Variants in LINGO2 observed in about 807,000 individuals in gnomAD.
The protein encoded by LINGO2 is leucine rich repeat and Ig domain containing 2, also known as leucine-rich repeat and immunoglobulin-like domain-containing nogo receptor-interacting protein 2.
In LINGO2, 14 loss-of-function variants were observed where a neutral mutation model predicts 30.6. The observed-to-expected ratio is 0.46, with a 90% CI of 0.30 to 0.72. The LOEUF is 0.72. Among genes scored for constraint, LINGO2 ranks in the 30% least tolerant of loss-of-function variants. LINGO2 has a pLI of 0.07. For synonymous variants in LINGO2, 317 were observed against 288.5 expected (o/e 1.10, Z -1.00); for missense variants, 729 against 751.7 (o/e 0.97, Z 0.35).
intron 1 of LINGO2, among the ~76,000 whole-genome samples, chr9:28,480,502 G>C (rs146140473): frequency 6.6e-6 from 1 of 151,956 alleles, no homozygotes; most frequent in Non-Finnish European, 1.5e-5. Flanking sequence ...ATTTCTGATA[G>C]GAATAAAGAG....
chr9:28,544,310 T>G (rs576769876), intron 1 of LINGO2, among the ~76,000 whole-genome samples: 1 of 152,194 alleles, frequency 6.6e-6, no homozygotes, highest in South Asian at 2.1e-4. Context: ...AGTTCTGTAA[T>G]CTGAGACTTC....
chr9:28,464,916 G>T (rs1825234571), intron 2 of LINGO2, among the ~76,000 whole-genome samples: 1 of 152,204 alleles, frequency 6.6e-6, no homozygotes, highest in African/African-American at 2.4e-5. Flanking sequence ...TCATGAAGGG[G>T]TGGCTTGCTT....
the LINGO2 span, among the ~76,000 whole-genome samples, chr9:29,056,610 A>G: frequency 0.028 from 4,182 of 151,962 alleles, 206 homozygotes; most frequent in African/African-American, 0.096. Flanking sequence ...TCATCCTTTT[A>G]TCTTTGTTTT....
At chr9:27,989,949 A>G (rs1350260601) in intron 5 of LINGO2, among the ~76,000 whole-genome samples, 1 of 152,052 alleles carries the variant, frequency 6.6e-6, no homozygotes, top group East Asian at 1.9e-4. Flanking sequence ...GAAAAAGAGA[A>G]GAGAAGAGAG....
intron 4 of LINGO2, among the ~76,000 whole-genome samples, chr9:28,246,784 A>C (rs999897098): frequency 6.6e-6 from 1 of 152,236 alleles, no homozygotes; most frequent in Non-Finnish European, 1.5e-5. Context: ...GCTTCTGCAC[A>C]GCAAAAGAAA....
the LINGO2 span, among the ~76,000 whole-genome samples, chr9:28,935,582 T>C: frequency 2.0e-4 from 31 of 151,944 alleles, no homozygotes; most frequent in Admixed American, 5.9e-4. Context: ...TGATTGGGAG[T>C]CAAAATATGC....
At chr9:28,961,240 C>G in the LINGO2 span, among the ~76,000 whole-genome samples, 2 of 152,086 alleles carry the variant, frequency 1.3e-5, no homozygotes, top group Non-Finnish European at 2.9e-5. Context: ...GTTTGCCTTC[C>G]CCTTCCTTTT....
chr9:28,294,368 T>G (rs1432042084), intron 4 of LINGO2, among the ~76,000 whole-genome samples: 1 of 152,208 alleles, frequency 6.6e-6, no homozygotes, highest in Admixed American at 6.5e-5. Context: ...TTTTACATAC[T>G]TTTTTCCGTT....
At chr9:29,014,611 T>C in the LINGO2 span, among the ~76,000 whole-genome samples, 100 of 152,282 alleles carry the variant, frequency 6.6e-4, no homozygotes, top group African/African-American at 2.3e-3. Context: ...CCAGTTAATA[T>C]GGCCTAGACA....
chr9:28,053,115 G>A (rs1170405366), intron 4 of LINGO2, among the ~76,000 whole-genome samples: 1 of 151,858 alleles, frequency 6.6e-6, no homozygotes, highest in South Asian at 2.1e-4. Context: ...GAACCATAAG[G>A]TATAATGAGA....
chr9:28,405,899 C>T (rs1302848718), intron 2 of LINGO2, among the ~76,000 whole-genome samples: 4 of 152,068 alleles, frequency 2.6e-5, no homozygotes, highest in East Asian at 1.9e-4. Flanking sequence ...AAGGTTACCT[C>T]ATTCCTTTAT....
At chr9:29,022,490 T>C in the LINGO2 span, among the ~76,000 whole-genome samples, 1 of 152,202 alleles carries the variant, frequency 6.6e-6, no homozygotes, top group Non-Finnish European at 1.5e-5. Flanking sequence ...GGTGATTTTC[T>C]TCCAAAACAG....
chr9:28,365,511 G>A (rs1461001432), intron 3 of LINGO2, among the ~76,000 whole-genome samples: 5 of 152,098 alleles, frequency 3.3e-5, no homozygotes, highest in Admixed American at 1.3e-4. Flanking sequence ...CTCGCACCAC[G>A]TTCCTAACCT....
rs543827001 is a variant in LINGO2, at chr9:28,245,814, A to C, written c.-87+49394T>G. 1.0e-3 allele frequency among the ~76,000 whole-genome samples: 158 copies of C among 152,350 alleles called. 2 individuals carry two copies. The highest frequency in any genetic ancestry group is 3.6e-3 in the African/African-American group (151 of 41,584). ...AGACAGGACACAAGCAAATGGAAAA[A>C]CATTGTATCCTCATGGATAGGAAGA... On this transcript the variant is annotated intron_variant, in intron 4 of 5. Transcript: ENST00000379992.
At chr9:28,996,288 C>T in the LINGO2 span, among the ~76,000 whole-genome samples, 1 of 152,062 alleles carries the variant, frequency 6.6e-6, no homozygotes, top group East Asian at 1.9e-4. Context: ...ATACTGAATG[C>T]ATAACATATT....
intron 4 of LINGO2, among the ~76,000 whole-genome samples, chr9:28,290,045 C>T (rs1823660871): frequency 6.6e-6 from 1 of 152,154 alleles, no homozygotes; most frequent in Non-Finnish European, 1.5e-5. Flanking sequence ...TCTAGTGTTG[C>T]CCTGGTGCCA....
chr9:28,619,998 A>C (rs951279455), intron 1 of LINGO2, among the ~76,000 whole-genome samples: 6 of 130,136 alleles, frequency 4.6e-5, no homozygotes, highest in Non-Finnish European at 8.9e-5. Flanking sequence ...TCACTCTAAA[A>C]ACTTTAATAT....
At chr9:28,931,214 C>T in the LINGO2 span, among the ~76,000 whole-genome samples, 8 of 152,194 alleles carry the variant, frequency 5.3e-5, no homozygotes, top group Non-Finnish European at 1.0e-4. Context: ...AACATCATTT[C>T]AGATTAAATG....
the LINGO2 span, among the ~76,000 whole-genome samples, chr9:29,162,528 T>C: frequency 6.6e-6 from 1 of 152,098 alleles, no homozygotes; most frequent in African/African-American, 2.4e-5. Context: ...ATCAAATGAA[T>C]AGTCATGAAA....
Sources: gnomAD v4.1 joint callset for allele counts (sites outside exome capture counted in the v4.1 genomes callset) on GRCh38, gnomAD v4.1.1 for gene constraint, MANE v1.5 for transcripts, NCBI Gene and HGNC (gene_info 2026-07-23, HGNC 2026-07-21) for gene names.